The following AKAIN1 variants were observed in gnomAD, a reference collection of about 807,000 sequenced individuals.
The protein encoded by AKAIN1 is A-kinase anchor inhibitor 1, also known as A-kinase anchor protein inhibitor 1.
A neutral mutation model predicts 3.7 loss-of-function variants in AKAIN1; 3 were observed. That is an observed-to-expected ratio of 0.82 (90% CI 0.37 to 2.12). The LOEUF is 2.12. Ranked by LOEUF, AKAIN1 falls within the 30% of genes most tolerant of loss-of-function variation. The pLI is 0.06. For synonymous variants in AKAIN1, 31 were observed against 30.8 expected (o/e 1.01, Z -0.02); for missense variants, 82 against 82.7 (o/e 0.99, Z 0.03).
chr18:5,166,841 G>C (rs1468445951), intron 1 of AKAIN1, among the ~76,000 whole-genome samples: 2 of 152,020 alleles, frequency 1.3e-5, no homozygotes, highest in African/African-American at 4.8e-5. Flanking sequence ...GTTTCCTCTT[G>C]AATCAGTTGT....
intron 1 of AKAIN1, among the ~76,000 whole-genome samples, chr18:5,158,568 C>T (rs980091440): frequency 6.6e-6 from 1 of 152,212 alleles, no homozygotes; most frequent in Non-Finnish European, 1.5e-5. Context: ...CAGTTCTCCA[C>T]TCCCTCCATT....
At chr18:5,187,136 CAA>C (rs2071292356) in intron 1 of AKAIN1, among the ~76,000 whole-genome samples, 1 of 151,316 alleles carries the variant, frequency 6.6e-6, no homozygotes, top group East Asian at 1.9e-4. Flanking sequence ...TCAAGAAAAA[CAA>C]GAGCAAAACA....
chr18:5,171,156 A>G (rs751793625), intron 1 of AKAIN1: 1 of 152,150 alleles, frequency 6.6e-6, no homozygotes, highest in Non-Finnish European at 1.5e-5. Flanking sequence ...GGTTGGTAGT[A>G]TTTTCTCTTC....
At chr18:5,197,461 C>T (rs2071356043), upstream of AKAIN1, 3 of 1,149,106 alleles carry the variant, frequency 2.6e-6, no homozygotes, top group Middle Eastern at 3.4e-4. This position sits in a 1 kb window ranked among gnomAD's most constrained non-coding sequence, Gnocchi z 6.9. Context: ...CCTGCTGTGG[C>T]TCGTCGCCGT....
At chr18:5,179,107 T>C (rs2071242514) in intron 1 of AKAIN1, among the ~76,000 whole-genome samples, 1 of 152,136 alleles carries the variant, frequency 6.6e-6, no homozygotes, top group African/African-American at 2.4e-5. Flanking sequence ...CAAGAATATA[T>C]TGATTAGTGG....
chr18:5,178,186 A>C (rs561449077), intron 1 of AKAIN1, among the ~76,000 whole-genome samples: 2 of 152,066 alleles, frequency 1.3e-5, no homozygotes, highest in Non-Finnish European at 2.9e-5. Context: ...GGACAGACAG[A>C]CCCTCCTGCT....
chr18:5,147,634 G>A lies in AKAIN1; in HGVS notation c.17-1879C>T, dbSNP rs144826232. Among the ~76,000 whole-genome samples, 377 of 152,294 alleles carry A rather than the reference G, an allele frequency of 2.5e-3. 1 individual carries two copies. The highest frequency in any genetic ancestry group is 3.5e-3 in the Non-Finnish European group (241 of 68,022). On this transcript the variant is annotated intron_variant, in intron 1 of 1. Transcript: ENST00000434239. ...GAAACATCACAAAAGATAATACTGA[G>A]TAATTCTAGAAGATCAGACAGTTCT...
chr18:5,189,159 C>A (rs2071304478), intron 1 of AKAIN1, among the ~76,000 whole-genome samples: 1 of 152,114 alleles, frequency 6.6e-6, no homozygotes, highest in African/African-American at 2.4e-5. Flanking sequence ...GTGCAGCAAG[C>A]CTGTGGAGGG....
intron 1 of AKAIN1, among the ~76,000 whole-genome samples, chr18:5,152,796 A>G (rs366411): frequency 0.73 from 111,621 of 152,102 alleles, 42,358 homozygotes; most frequent in African/African-American, 0.93. Context: ...AAGCAGGGCC[A>G]GAGAGGAACT....
At chr18:5,190,182 T>G (rs2071311089) in intron 1 of AKAIN1, among the ~76,000 whole-genome samples, 1 of 152,186 alleles carries the variant, frequency 6.6e-6, no homozygotes, top group Non-Finnish European at 1.5e-5. Context: ...ACTCTTGCAA[T>G]AGTGGTATTA....
intron 1 of AKAIN1, among the ~76,000 whole-genome samples, chr18:5,196,318 G>A (rs1442646789): frequency 1.3e-5 from 2 of 152,218 alleles, no homozygotes; most frequent in African/African-American, 4.8e-5. Flanking sequence ...CCAGTGGGGC[G>A]GACTCAAATG....
intron 1 of AKAIN1, among the ~76,000 whole-genome samples, chr18:5,178,803 G>A (rs1323246763): frequency 6.6e-6 from 1 of 152,108 alleles, no homozygotes; most frequent in African/African-American, 2.4e-5. Context: ...CAGCCTGGGT[G>A]GTTCCCAGAG....
chr18:5,151,372 T>A (rs2071079145), intron 1 of AKAIN1, among the ~76,000 whole-genome samples: 2 of 152,206 alleles, frequency 1.3e-5, no homozygotes. Flanking sequence ...CTCACTCATC[T>A]ACACCAACTG....
chr18:5,170,414 A>T (rs1461842344), intron 1 of AKAIN1, among the ~76,000 whole-genome samples: 1 of 152,120 alleles, frequency 6.6e-6, no homozygotes, highest in Non-Finnish European at 1.5e-5. Context: ...CAGTTCTTTC[A>T]TTGGATAACT....
intron 1 of AKAIN1, among the ~76,000 whole-genome samples, chr18:5,173,095 A>G (rs2071206598): frequency 6.6e-6 from 1 of 152,194 alleles, no homozygotes; most frequent in Non-Finnish European, 1.5e-5. Context: ...AATAAATGGT[A>G]CTAATTACTA....
At chr18:5,192,020 G>GT (rs935075725) in intron 1 of AKAIN1, among the ~76,000 whole-genome samples, 132 of 152,266 alleles carry the variant, frequency 8.7e-4, no homozygotes, top group African/African-American at 3.1e-3. Context: ...TTTGTGTTAA[G>GT]TATGTGTGGA....
At chr18:5,188,521 C>G (rs919973109) in intron 1 of AKAIN1, among the ~76,000 whole-genome samples, 1 of 152,066 alleles carries the variant, frequency 6.6e-6, no homozygotes, top group African/African-American at 2.4e-5. Context: ...ATCCTTCCCC[C>G]TGAGCCCCTT....
At chr18:5,197,398 A>G (rs374372719), upstream of AKAIN1, 116 of 1,263,408 alleles carry the variant, frequency 9.2e-5, no homozygotes, top group African/African-American at 1.4e-3. The surrounding 1 kb of genome is among the most constrained non-coding windows in gnomAD (Gnocchi z 6.9). Context: ...TCGGAAGAGC[A>G]AGAGAGAGAA....
intron 1 of AKAIN1, among the ~76,000 whole-genome samples, chr18:5,165,488 T>C (rs2071162701): frequency 2.6e-5 from 4 of 152,000 alleles, no homozygotes. Flanking sequence ...AATGACACTC[T>C]TGTACCACAC....
Sources: gnomAD v4.1 joint callset for allele counts (sites outside exome capture counted in the v4.1 genomes callset) on GRCh38, gnomAD v4.1.1 for gene constraint, Gnocchi (gnomAD v3.1) non-coding constraint, MANE v1.5 for transcripts, NCBI Gene and HGNC (gene_info 2026-07-23, HGNC 2026-07-21) for gene names.